The following CPSF3 variants were observed in gnomAD, a reference collection of about 807,000 sequenced individuals.
CPSF3 encodes cleavage and polyadenylation specific factor 3, also known as cleavage and polyadenylation specificity factor subunit 3.
Under a neutral mutation model 84.1 loss-of-function variants are expected in CPSF3, and 57 were observed. The ratio of observed to expected loss-of-function variants is 0.68; its 90% CI spans 0.55 to 0.85. The LOEUF (loss-of-function observed/expected upper bound fraction) is 0.85, where lower values mean the gene tolerates loss of function less well. CPSF3 is among the 40% of genes least tolerant of loss of function. The probability of loss-of-function intolerance (pLI) is 0.00; values close to 1 mark genes in which losing one functional copy is unlikely to be tolerated. For synonymous variants in CPSF3, 275 were observed against 278.1 expected, an observed-to-expected ratio of 0.99 and a Z score of 0.11; for missense variants, 522 against 838.8, an observed-to-expected ratio of 0.62 and a Z score of 4.66.
At chr2:9,449,946 T>G (rs1681256864) in intron 11 of CPSF3, among the ~76,000 whole-genome samples, 1 of 152,074 alleles carries the variant, frequency 6.6e-6, no homozygotes, top group Non-Finnish European at 1.5e-5. Context: ...ATTTTAAATT[T>G]TTAAAAAGGA....
chr2:9,454,779 C>T (rs1206000598), intron 12 of CPSF3, among the ~76,000 whole-genome samples: 2 of 151,946 alleles, frequency 1.3e-5, no homozygotes, highest in African/African-American at 2.4e-5. Context: ...CTCCTGACCT[C>T]GTGATCCACC....
intron 10 of CPSF3, among the ~76,000 whole-genome samples, chr2:9,445,410 C>T (rs11887164): frequency 0.29 from 43,893 of 152,048 alleles, 7,575 homozygotes; most frequent in Non-Finnish European, 0.4. Flanking sequence ...AGTGGTATCT[C>T]GTTGTGGTTT....
intron 16 of CPSF3, among the ~76,000 whole-genome samples, chr2:9,468,519 C>G (rs2124874245): frequency 6.6e-6 from 1 of 152,124 alleles, no homozygotes; most frequent in Non-Finnish European, 1.5e-5. Context: ...GCCCTTGCCC[C>G]ATGAAACGGT....
At chr2:9,446,828 T>A (rs1488384074) in intron 10 of CPSF3, among the ~76,000 whole-genome samples, 1 of 152,030 alleles carries the variant, frequency 6.6e-6, no homozygotes, top group Non-Finnish European at 1.5e-5. Flanking sequence ...TAGCTAATGC[T>A]GTTGTTGTAA....
intron 16 of CPSF3, among the ~76,000 whole-genome samples, chr2:9,468,436 G>A (rs1306074439): frequency 6.6e-6 from 1 of 151,968 alleles, no homozygotes. Flanking sequence ...TGTTGCCCAG[G>A]CTGGTCTCAA....
chr2:9,466,287 C>T (rs1259937072), intron 15 of CPSF3, among the ~76,000 whole-genome samples: 1 of 137,616 alleles, frequency 7.3e-6, no homozygotes, highest in African/African-American at 2.7e-5. Context: ...CACACGTGCG[C>T]ACACAGACGC....
intron 10 of CPSF3, among the ~76,000 whole-genome samples, chr2:9,446,351 C>T (rs540847340): frequency 1.5e-4 from 23 of 151,984 alleles, no homozygotes; most frequent in Non-Finnish European, 2.9e-4. Flanking sequence ...GAGGCCAAGG[C>T]GAGCAGATCA....
At chr2:9,466,968 A>G (rs887896089) in intron 15 of CPSF3, among the ~76,000 whole-genome samples, 3 of 151,924 alleles carry the variant, frequency 2.0e-5, no homozygotes, top group Non-Finnish European at 4.4e-5. Flanking sequence ...TACCGTGGAG[A>G]TTTGGATGTA....
At chr2:9,455,982 A>T (rs769550916) in intron 13 of CPSF3, among the ~76,000 whole-genome samples, 11 of 152,330 alleles carry the variant, frequency 7.2e-5, no homozygotes, top group South Asian at 2.1e-4. Flanking sequence ...AAAAAAAATT[A>T]AAAAAGAAAA....
intron 10 of CPSF3, 149 bp downstream of exon 10, chr2:9,443,810 CT>C: frequency 1.3e-6 from 1 of 767,474 alleles, no homozygotes; most frequent in Non-Finnish European, 2.1e-6. Flanking sequence ...CGGATTTGGC[CT>C]TTACAACTCC....
At chr2:9,451,013 A>G (rs952753476) in intron 11 of CPSF3, among the ~76,000 whole-genome samples, 1 of 151,544 alleles carries the variant, frequency 6.6e-6, no homozygotes, top group African/African-American at 2.4e-5. Context: ...AGAAAAATAT[A>G]CTCAGTTGAG....
intron 1 of CPSF3, among the ~76,000 whole-genome samples, chr2:9,428,378 T>G (rs761857701): frequency 1.1e-4 from 16 of 152,220 alleles, no homozygotes; most frequent in Non-Finnish European, 2.2e-4. Flanking sequence ...GCTTTCTACT[T>G]AAGTGCTAAT....
At chr2:9,448,560 T>TTG (rs60635212) in intron 11 of CPSF3, among the ~76,000 whole-genome samples, 11,378 of 151,956 alleles carry the variant, frequency 0.075, 1,412 homozygotes, top group African/African-American at 0.26. Context: ...ATTAGATTTT[T>TTG]TGTGTGTGTG....
chr2:9,426,813 G>A (rs553489920), intron 1 of CPSF3, among the ~76,000 whole-genome samples: 5 of 151,678 alleles, frequency 3.3e-5, no homozygotes, highest in East Asian at 3.9e-4. Context: ...AGGCTGAGGC[G>A]GGAGGATCAC....
chr2:9,473,018 GA>G lies in CPSF3; in HGVS notation c.*2del. 1 of 1,607,176 alleles carries G rather than the reference GA, an allele frequency of 6.2e-7. No homozygotes were observed. Among genetic ancestry groups the G allele is most frequent in the Non-Finnish European group, 8.5e-7 (1 of 1,174,220 alleles). ...CGAGGCCCTGACGCCAGTTCACTGA[GA>G]CTGTGCCTGTATATGAACTTTGAAA... On this transcript the variant is annotated 3_prime_UTR_variant, in exon 18 of 18. Transcript: ENST00000238112.
At position 9,441,819 on chromosome 2, in the gene CPSF3, G is replaced by A; in HGVS notation, c.938G>A (p.Ser313Asn). 6.2e-7 allele frequency: 1 copy of A among 1,614,042 alleles called. No homozygotes were observed. The highest frequency in any genetic ancestry group is 8.5e-7 in the Non-Finnish European group (1 of 1,180,002). The change falls in exon 9 of 18, where the codon AGC (serine) becomes AAC (asparagine). Residue 313 changes from serine (S) to asparagine (N), a missense_variant and splice_region_variant. Physicochemically the swap from Ser to Asn is conservative, Grantham distance 46. Around this residue, in one of 2 missense-constraint regions of CPSF3, gnomAD observed 329 missense variants for 607.2 expected, o/e 0.54. Coordinates refer to ENST00000238112, the MANE Select transcript of CPSF3 (RefSeq NM_016207.4). Reference protein sequence around the residue: ...FVFKHISNLKSMDHFDDIGPS... With the variant: ...FVFKHISNLKNMDHFDDIGPS... ...TTCCCATTCTGTTTTCTCTCTTAGA[G>A]CATGGATCATTTTGATGACATTGGT...
At position 9,467,171 on chromosome 2, in the gene CPSF3, G is replaced by T. The variant is rs575343587; in HGVS notation, c.1787-536G>T. Among the ~76,000 whole-genome samples, 4 of 152,200 alleles carry T rather than the reference G, an allele frequency of 2.6e-5. No individual in the cohort carries two copies. The East Asian group carries it at 7.7e-4, about 29-fold the overall frequency. On this transcript the variant is annotated intron_variant, in intron 15 of 17. Coordinates refer to ENST00000238112, the MANE Select transcript of CPSF3 (RefSeq NM_016207.4). The stretch of plus-strand genomic sequence containing the variant: ...TGCCTGAAACTCCAGATTAAGGGGG[G>T]CCCATTTTCCCAAGCTGTCAGATTT...
chr2:9,469,987 G>A (rs1438546694), intron 16 of CPSF3, among the ~76,000 whole-genome samples: 2 of 152,226 alleles, frequency 1.3e-5, no homozygotes, highest in Admixed American at 6.5e-5. Context: ...GCCAAGGCAG[G>A]TGGATCACTT....
rs1415420961 is a variant in CPSF3, at chr2:9,457,026, A to G, written c.1697A>G (p.Glu566Gly). ...VIQEPGMVVL[E>G]WLANPSNDMY... is the part of the protein sequence containing the mutation. ...CAAGAACCAGGCATGGTGGTATTAG[A>G]AGTAAGAAAAGATCATTTACCTAAA... is the stretch of plus-strand genomic sequence containing the variant. Residue 566 changes from glutamate (E) to glycine (G), a missense_variant and splice_region_variant, in exon 14 of 18, where the codon GAA becomes GGA. Glu to Gly is a moderately conservative substitution (Grantham distance 98). Transcript: ENST00000238112. 6 of 1,549,782 alleles carry G rather than the reference A, an allele frequency of 3.9e-6. No individual in the cohort carries two copies. Among genetic ancestry groups the G allele is most frequent in the Non-Finnish European group, 5.3e-6 (6 of 1,132,232 alleles).
Sources: allele counts gnomAD v4.1 joint callset (sites outside exome capture counted in the v4.1 genomes callset), GRCh38; gene constraint gnomAD v4.1.1; regional missense constraint gnomAD v4.1.1; transcripts MANE v1.5; gene names NCBI Gene and HGNC (gene_info 2026-07-23, HGNC 2026-07-21).